FHIT: variants seen among roughly 807,000 people sequenced by gnomAD.
FHIT encodes bis(5'-adenosyl)-triphosphatase.
In FHIT, 19 loss-of-function variants were observed where a neutral mutation model predicts 17.9. The observed-to-expected ratio is 1.06, with a 90% CI of 0.74 to 1.56. The LOEUF (loss-of-function observed/expected upper bound fraction) is 1.56. FHIT is among the 40% of genes most tolerant of loss of function. The pLI, the probability that FHIT is intolerant of heterozygous loss-of-function variation, is 0.00. For missense variants in FHIT, 248 were observed against 189.2 expected (o/e 1.31, Z -1.82); for synonymous variants, 81 against 69.7 (o/e 1.16, Z -0.81).
intron 3 of FHIT, among the ~76,000 whole-genome samples, chr3:60,832,064 C>T: frequency 6.6e-6 from 1 of 151,858 alleles, no homozygotes; most frequent in Admixed American, 6.6e-5. Context: ...GCCCTTAGCC[C>T]CAAGTAATAA....
intron 5 of FHIT, among the ~76,000 whole-genome samples, chr3:60,136,143 G>A (rs1012114089): frequency 6.6e-6 from 1 of 151,998 alleles, no homozygotes; most frequent in Non-Finnish European, 1.5e-5. Flanking sequence ...TTTATCTGTT[G>A]GCCCAACAAA....
chr3:60,901,274 A>G (rs1297198916), intron 3 of FHIT, among the ~76,000 whole-genome samples: 2 of 152,202 alleles, frequency 1.3e-5, no homozygotes, highest in African/African-American at 4.8e-5. Context: ...AAATGGAATT[A>G]AACTATTTGT....
intron 5 of FHIT, among the ~76,000 whole-genome samples, chr3:60,279,495 T>C (rs887995817): frequency 2.6e-5 from 4 of 152,172 alleles, no homozygotes; most frequent in East Asian, 1.9e-4. Context: ...CACAAAATGA[T>C]AGCAATTCTC....
At chr3:60,648,178 G>T (rs954328462) in intron 4 of FHIT, among the ~76,000 whole-genome samples, 1 of 152,106 alleles carries the variant, frequency 6.6e-6, no homozygotes, top group Non-Finnish European at 1.5e-5. Flanking sequence ...GTCCACCTAG[G>T]TATCACTTAT....
chr3:60,088,965 T>C (rs1274431360), intron 5 of FHIT, among the ~76,000 whole-genome samples: 1 of 152,190 alleles, frequency 6.6e-6, no homozygotes, highest in African/African-American at 2.4e-5. Context: ...GGGTATATGC[T>C]TTTAGGCCAA....
chr3:60,550,290 G>A lies in FHIT; in HGVS notation c.-17-13311C>T, dbSNP rs140079565. ...TTGTAAAACATTCTAATCTACAGGC[G>A]TATGTCAAAATTCCACAGGAGACAG... On this transcript the variant is annotated intron_variant, in intron 4 of 9. Coordinates refer to ENST00000492590, the MANE Select transcript of FHIT (RefSeq NM_002012.4). 5.0e-3 allele frequency among the ~76,000 whole-genome samples: 756 copies of A among 151,948 alleles called. 7 individuals are homozygous for A. Among genetic ancestry groups the A allele is most frequent in the African/African-American group, 0.016 (666 of 41,374 alleles).
At chr3:61,217,638 G>A (rs1372636744) in intron 1 of FHIT, among the ~76,000 whole-genome samples, 2 of 152,140 alleles carry the variant, frequency 1.3e-5, no homozygotes, top group African/African-American at 4.8e-5. Context: ...CGCCCTCAAT[G>A]AGGGAGTGTC....
At chr3:60,276,265 C>G (rs1347548178) in intron 5 of FHIT, among the ~76,000 whole-genome samples, 1 of 152,132 alleles carries the variant, frequency 6.6e-6, no homozygotes, top group Non-Finnish European at 1.5e-5. Flanking sequence ...GGATTACAGG[C>G]ATGAGCCACT....
At chr3:60,033,625 G>A (rs1701093243) in intron 5 of FHIT, among the ~76,000 whole-genome samples, 1 of 151,854 alleles carries the variant, frequency 6.6e-6, no homozygotes, top group Non-Finnish European at 1.5e-5. Flanking sequence ...AATACTTCTA[G>A]CAATTGCCTT....
intron 3 of FHIT, among the ~76,000 whole-genome samples, chr3:60,913,640 T>C (rs941094698): frequency 2.1e-4 from 32 of 152,220 alleles, no homozygotes; most frequent in African/African-American, 7.5e-4. Flanking sequence ...AATTTATTTG[T>C]CCTGCTTCTT....
chr3:60,278,264 A>T (rs1045203165), intron 5 of FHIT, among the ~76,000 whole-genome samples: 3 of 152,176 alleles, frequency 2.0e-5, no homozygotes, highest in Non-Finnish European at 4.4e-5. Flanking sequence ...GAGAAAAAGT[A>T]ACCATTTTGG....
intron 5 of FHIT, among the ~76,000 whole-genome samples, chr3:60,224,958 G>T (rs2107540817): frequency 6.6e-6 from 1 of 151,886 alleles, no homozygotes; most frequent in South Asian, 2.1e-4. Context: ...TGACCTCAAG[G>T]GATCTGTTTG....
At chr3:60,946,250 G>A (rs1708634492) in intron 3 of FHIT, among the ~76,000 whole-genome samples, 1 of 152,168 alleles carries the variant, frequency 6.6e-6, no homozygotes, top group African/African-American at 2.4e-5. Context: ...GATAGGAAGT[G>A]GTGGTCAGAG....
intron 5 of FHIT, among the ~76,000 whole-genome samples, chr3:60,196,828 TA>T (rs35480699): frequency 0.045 from 6,644 of 148,650 alleles, 183 homozygotes; most frequent in Middle Eastern, 0.14. Flanking sequence ...GTTTTATTTG[TA>T]AAAAAAAAAA....
At chr3:60,380,492 C>T (rs1368546053) in intron 5 of FHIT, among the ~76,000 whole-genome samples, 1 of 152,146 alleles carries the variant, frequency 6.6e-6, no homozygotes, top group African/African-American at 2.4e-5. Flanking sequence ...ATTGGTCTAA[C>T]ACAGTCAGTG....
At chr3:60,136,008 G>T (rs768050166) in intron 5 of FHIT, among the ~76,000 whole-genome samples, 2 of 152,086 alleles carry the variant, frequency 1.3e-5, no homozygotes, top group Non-Finnish European at 2.9e-5. Flanking sequence ...ATGTATTTGA[G>T]TAATTGCTGG....
chr3:60,681,990 G>A, intron 4 of FHIT, among the ~76,000 whole-genome samples: 1 of 124,114 alleles, frequency 8.1e-6, no homozygotes, highest in African/African-American at 3.0e-5. Flanking sequence ...TTTTTTTTTT[G>A]AAACATAGTC....
At chr3:59,810,154 T>A (rs977742764) in intron 8 of FHIT, among the ~76,000 whole-genome samples, 2 of 152,114 alleles carry the variant, frequency 1.3e-5, no homozygotes, top group African/African-American at 4.8e-5. Context: ...TGTGAAAGGC[T>A]GTACTGGTGG....
intron 4 of FHIT, among the ~76,000 whole-genome samples, chr3:60,548,693 C>A (rs1390019732): frequency 6.6e-6 from 1 of 152,178 alleles, no homozygotes; most frequent in Non-Finnish European, 1.5e-5. Flanking sequence ...TCCCAGGCCC[C>A]AGCCTAGATG....
Sources: allele counts gnomAD v4.1 joint callset (sites outside exome capture counted in the v4.1 genomes callset), GRCh38; gene constraint gnomAD v4.1.1; transcripts MANE v1.5; gene names NCBI Gene and HGNC (gene_info 2026-07-23, HGNC 2026-07-21).